The following TECRL variants were observed in gnomAD, a reference collection of about 807,000 sequenced individuals.
TECRL encodes the protein trans-2,3-enoyl-CoA reductase like, also known as trans-2,3-enoyl-CoA reductase-like.
In TECRL, 63 loss-of-function variants were observed where a neutral mutation model predicts 52.8. That is an observed-to-expected ratio of 1.19 (90% CI 0.97 to 1.47). The LOEUF is 1.47. TECRL is among the 40% of genes most tolerant of loss of function. The probability of loss-of-function intolerance (pLI) is 0.00; values close to 1 mark genes in which losing one functional copy is unlikely to be tolerated. For missense variants in TECRL, 482 were observed against 429.6 expected (o/e 1.12, Z -1.08); for synonymous variants, 164 against 141.9 (o/e 1.16, Z -1.10).
chr4:64,331,837 G>A (rs1032693628), intron 2 of TECRL, among the ~76,000 whole-genome samples: 21 of 151,982 alleles, frequency 1.4e-4, no homozygotes, highest in African/African-American at 5.1e-4. Context: ...AAGGGATTCA[G>A]AAAATATGAA....
chr4:64,377,527 G>C (rs1158599696), intron 1 of TECRL, among the ~76,000 whole-genome samples: 1 of 151,876 alleles, frequency 6.6e-6, no homozygotes, highest in Non-Finnish European at 1.5e-5. Context: ...ATACAGATGG[G>C]AGTTATCTGA....
chr4:64,333,379 G>A (rs926887218), intron 2 of TECRL, among the ~76,000 whole-genome samples: 54 of 152,168 alleles, frequency 3.5e-4, no homozygotes, highest in Non-Finnish European at 5.4e-4. Context: ...TCCGTCATTA[G>A]ATTAACATCT....
intron 9 of TECRL, among the ~76,000 whole-genome samples, chr4:64,286,000 TA>T (rs1331634515): frequency 6.6e-6 from 1 of 152,140 alleles, no homozygotes; most frequent in Non-Finnish European, 1.5e-5. Context: ...ACCTCATCTG[TA>T]AAAAACTATG....
At chr4:64,367,034 C>T (rs1434887880) in intron 2 of TECRL, among the ~76,000 whole-genome samples, 2 of 152,088 alleles carry the variant, frequency 1.3e-5, no homozygotes, top group Non-Finnish European at 2.9e-5. Flanking sequence ...ACATATAATG[C>T]CATGGAGTAC....
chr4:64,402,722 G>C (rs571602146), intron 1 of TECRL, among the ~76,000 whole-genome samples: 2 of 152,176 alleles, frequency 1.3e-5, no homozygotes, highest in East Asian at 3.9e-4. Flanking sequence ...ATAGAGAAGA[G>C]CTAGAAAGTA....
intron 1 of TECRL, among the ~76,000 whole-genome samples, chr4:64,393,662 T>C (rs1199878424): frequency 1.3e-5 from 2 of 151,930 alleles, no homozygotes; most frequent in Non-Finnish European, 2.9e-5. Flanking sequence ...AGTTTTACTA[T>C]CTTACAGAAA....
chr4:64,323,913 T>TC (rs1718076999), intron 3 of TECRL, among the ~76,000 whole-genome samples: 4 of 152,140 alleles, frequency 2.6e-5, no homozygotes, highest in Non-Finnish European at 5.9e-5. Context: ...CTCTTAGACA[T>TC]TCAAGAAAGA....
rs2109946345 is a variant in TECRL, at chr4:64,289,704, A to C, written c.832+6T>G. 6.6e-7 allele frequency: 1 copy of C among 1,526,364 alleles called. No homozygotes were observed. The highest frequency in any genetic ancestry group is 2.5e-5 in the East Asian group (1 of 39,614). The allele number at this position is 1,526,364 out of a possible 1,614,324, so 94.6% of individuals were successfully genotyped here. A position where few individuals can be genotyped will look rare whatever the true frequency, so the allele number is the denominator to read the frequency against. On this transcript the variant is annotated splice_donor_region_variant and intron_variant, in intron 9 of 11. Coordinates refer to ENST00000381210, the MANE Select transcript of TECRL (RefSeq NM_001010874.5). ...CTAAAGAAAAGAAAAAGAAAAAAGA[A>C]CTAACCTGTGTGATTGGGATGAGAC...
intron 9 of TECRL, among the ~76,000 whole-genome samples, chr4:64,286,240 G>A (rs941118890): frequency 5.9e-5 from 9 of 151,834 alleles, no homozygotes; most frequent in Non-Finnish European, 1.2e-4. Flanking sequence ...AAAAAAACAA[G>A]AAGATATAAT....
At chr4:64,403,908 G>C (rs946900393) in intron 1 of TECRL, among the ~76,000 whole-genome samples, 1 of 151,602 alleles carries the variant, frequency 6.6e-6, no homozygotes, top group South Asian at 2.1e-4. Context: ...GCATGTACAC[G>C]AAATTCTGAA....
intron 1 of TECRL, among the ~76,000 whole-genome samples, chr4:64,387,317 G>A (rs749152786): frequency 5.3e-5 from 8 of 152,080 alleles, no homozygotes; most frequent in Non-Finnish European, 1.2e-4. Context: ...CCTACTGAAA[G>A]ACATCTTGGT....
At chr4:64,339,006 C>T (rs929105511) in intron 2 of TECRL, among the ~76,000 whole-genome samples, 3 of 151,928 alleles carry the variant, frequency 2.0e-5, no homozygotes, top group Non-Finnish European at 4.4e-5. Context: ...CGGCACTAGT[C>T]ACAATAGCAA....
intron 3 of TECRL, 60 bp from the exon 4 acceptor site, chr4:64,322,852 G>A (rs187758557): frequency 8.1e-7 from 1 of 1,229,242 alleles, no homozygotes; most frequent in South Asian, 1.4e-5. Flanking sequence ...TAACGATAAA[G>A]AATTTCTTAG....
intron 9 of TECRL, among the ~76,000 whole-genome samples, chr4:64,288,408 C>A (rs532511093): frequency 3.3e-5 from 5 of 152,050 alleles, no homozygotes; most frequent in Non-Finnish European, 7.4e-5. Flanking sequence ...CAACATCGAC[C>A]GTTCTACAGT....
chr4:64,322,618 A>T (rs1717981882), intron 4 of TECRL, 71 bp downstream of exon 4: 1 of 1,073,978 alleles, frequency 9.3e-7, no homozygotes, highest in Non-Finnish European at 1.3e-6. Context: ...TATTTGATAG[A>T]ATTAATCTGT....
chr4:64,375,970 A>G (rs1423569361), intron 1 of TECRL, among the ~76,000 whole-genome samples: 1 of 151,848 alleles, frequency 6.6e-6, no homozygotes, highest in East Asian at 1.9e-4. Flanking sequence ...AAGAAAATAT[A>G]TTTCCTTTCC....
chr4:64,298,930 TACAAC>T (rs1185045640), intron 8 of TECRL: 4 of 151,284 alleles, frequency 2.6e-5, no homozygotes, highest in African/African-American at 9.6e-5. Context: ...ATAACGCTGT[TACAAC>T]ACGTGAATCA....
intron 2 of TECRL, among the ~76,000 whole-genome samples, chr4:64,339,086 T>G (rs900444788): frequency 1.3e-5 from 2 of 151,846 alleles, no homozygotes; most frequent in African/African-American, 4.8e-5. Context: ...ATATACACCA[T>G]GGAATACTAT....
chr4:64,310,218 G>A (rs1199875040), intron 5 of TECRL, among the ~76,000 whole-genome samples: 1 of 151,876 alleles, frequency 6.6e-6, no homozygotes, highest in Admixed American at 6.6e-5. Flanking sequence ...CCCAGGAGTG[G>A]GTATAAATAT....
Sources: gnomAD v4.1 joint callset for allele counts (sites outside exome capture counted in the v4.1 genomes callset) on GRCh38, gnomAD v4.1.1 for gene constraint, MANE v1.5 for transcripts, NCBI Gene and HGNC (gene_info 2026-07-23, HGNC 2026-07-21) for gene names.